The following SLC45A4 variants were observed in gnomAD, a reference collection of about 807,000 sequenced individuals.
The protein encoded by SLC45A4 is polyamine-transporter SLC45A4.
Under a neutral mutation model 63.7 loss-of-function variants are expected in SLC45A4, and 32 were observed. That is an observed-to-expected ratio of 0.50 (90% confidence interval 0.38 to 0.67). The LOEUF is 0.67. Among genes scored for constraint, SLC45A4 ranks in the 30% least tolerant of loss-of-function variants. The pLI, the probability that SLC45A4 is intolerant of heterozygous loss-of-function variation, is 0.00. For missense variants in SLC45A4, 1,027 were observed against 1,157.7 expected, an observed-to-expected ratio of 0.89 and a Z score of 1.64; for synonymous variants, 535 against 510.0, an observed-to-expected ratio of 1.05 and a Z score of -0.66.
chr8:141,211,946 A>T, intron 8 of SLC45A4: 1 of 1,269,838 alleles, frequency 7.9e-7, no homozygotes, highest in Admixed American at 3.9e-5. Context: ...AATTAAAAAA[A>T]ATATTTCAAA....
Position 141,254,759 on chromosome 8 carries a change from C to A in SLC45A4, c.-400-130G>T, listed in dbSNP as rs1412770592. On this transcript the variant is annotated intron_variant, in intron 1 of 8. Coordinates refer to ENST00000517878, the MANE Select transcript of SLC45A4 (RefSeq NM_001286646.2). The surrounding 1 kb of genome is among the most constrained non-coding windows in gnomAD (Gnocchi z 4.5). The stretch of plus-strand genomic sequence containing the variant: ...CGACCCAAGATCACACAGCTCTCTG[C>A]CACTCACTCTGGGTACGTCTGTGCA... 5.9e-6 allele frequency: 4 copies of A among 676,102 alleles called. No individual in the cohort carries two copies. Among genetic ancestry groups the A allele is most frequent in the African/African-American group, 1.8e-5 (1 of 56,780 alleles). 41.9% of individuals were successfully genotyped at this position (676,102 alleles called of 1,614,324 possible).
At chr8:141,257,386 T>C (rs1828843848) in intron 1 of SLC45A4, among the ~76,000 whole-genome samples, 1 of 152,234 alleles carries the variant, frequency 6.6e-6, no homozygotes, top group Non-Finnish European at 1.5e-5. Context: ...TGAGAAGAAG[T>C]AACACCCAGA....
chr8:141,297,278 C>T (rs900689480), intron 1 of SLC45A4, among the ~76,000 whole-genome samples: 5 of 151,600 alleles, frequency 3.3e-5, no homozygotes, highest in South Asian at 2.1e-4. Context: ...ACCCGGTGGG[C>T]GCCGGGCACT....
At chr8:141,247,311 T>C (rs1467012301) in intron 2 of SLC45A4, among the ~76,000 whole-genome samples, 1 of 97,214 alleles carries the variant, frequency 1.0e-5, no homozygotes, top group South Asian at 3.2e-4. Context: ...AAAGCAGTGC[T>C]ATTTACAATA....
At chr8:141,287,447 G>C (rs1382300869) in intron 1 of SLC45A4, among the ~76,000 whole-genome samples, 1 of 152,146 alleles carries the variant, frequency 6.6e-6, no homozygotes, top group Non-Finnish European at 1.5e-5. Flanking sequence ...CCCTGCCACA[G>C]ACCGGCCTTC....
At chr8:141,270,444 C>T (rs552645126) in intron 1 of SLC45A4, among the ~76,000 whole-genome samples, 8 of 150,822 alleles carry the variant, frequency 5.3e-5, no homozygotes, top group Admixed American at 4.6e-4. Flanking sequence ...GAGGCTGAGG[C>T]GGGAGAATCG....
At chr8:141,287,934 G>A (rs1355518368) in intron 1 of SLC45A4, among the ~76,000 whole-genome samples, 2 of 152,268 alleles carry the variant, frequency 1.3e-5, no homozygotes, top group South Asian at 2.1e-4. Context: ...ACCCTCTTGC[G>A]CCCAGCCACC....
At chr8:141,267,897 G>C (rs1168765111) in intron 1 of SLC45A4, among the ~76,000 whole-genome samples, 1 of 152,168 alleles carries the variant, frequency 6.6e-6, no homozygotes, top group Admixed American at 6.5e-5. Context: ...TCGAAAGACG[G>C]TTTGCCCATT....
At chr8:141,286,426 A>G (rs1830148046) in intron 1 of SLC45A4, among the ~76,000 whole-genome samples, 2 of 152,146 alleles carry the variant, frequency 1.3e-5, no homozygotes, top group Non-Finnish European at 2.9e-5. Context: ...GAAGCCTGCC[A>G]ATGTATCTTC....
At chr8:141,280,453 G>A (rs1198426451) in intron 1 of SLC45A4, among the ~76,000 whole-genome samples, 1 of 152,252 alleles carries the variant, frequency 6.6e-6, no homozygotes, top group Non-Finnish European at 1.5e-5. Flanking sequence ...TTACTTTCTT[G>A]AAAGACATTT....
chr8:141,297,038 C>T (rs560655518), intron 1 of SLC45A4, among the ~76,000 whole-genome samples: 2 of 152,172 alleles, frequency 1.3e-5, no homozygotes, highest in South Asian at 2.1e-4. Context: ...GTCTACGGTA[C>T]GTGTTTGAAG....
At chr8:141,249,584 A>G (rs925879309) in intron 2 of SLC45A4, among the ~76,000 whole-genome samples, 31 of 152,226 alleles carry the variant, frequency 2.0e-4, no homozygotes, top group African/African-American at 6.7e-4. Context: ...GGCATTTGGG[A>G]GCACTGGGGT....
chr8:141,253,650 G>A (rs954597457), intron 2 of SLC45A4, among the ~76,000 whole-genome samples: 10 of 152,230 alleles, frequency 6.6e-5, no homozygotes, highest in Admixed American at 1.3e-4. Flanking sequence ...CCTGCCCTTT[G>A]CCTCGTTGTT....
intron 1 of SLC45A4, among the ~76,000 whole-genome samples, chr8:141,260,782 A>G (rs556895731): frequency 1.3e-4 from 20 of 152,328 alleles, no homozygotes; most frequent in Admixed American, 3.9e-4. Context: ...TCACAACCGA[A>G]TTCTACCAGA....
chr8:141,283,019 GGCCA>G (rs1240642101), intron 1 of SLC45A4, among the ~76,000 whole-genome samples: 1 of 152,266 alleles, frequency 6.6e-6, no homozygotes, highest in African/African-American at 2.4e-5. Flanking sequence ...CAGTGCCAGA[GGCCA>G]GCAGAAGTTT....
intron 1 of SLC45A4, among the ~76,000 whole-genome samples, chr8:141,282,424 C>T (rs911131888): frequency 1.7e-4 from 26 of 152,336 alleles, no homozygotes; most frequent in African/African-American, 5.8e-4. Flanking sequence ...ACCCGCTGGG[C>T]GGCCCCGCCT....
chr8:141,280,723 C>T (rs1028824533), intron 1 of SLC45A4, among the ~76,000 whole-genome samples: 4 of 152,242 alleles, frequency 2.6e-5, no homozygotes, highest in Non-Finnish European at 4.4e-5. Flanking sequence ...AATGCGACAG[C>T]GTGCAGCTCC....
intron 1 of SLC45A4, among the ~76,000 whole-genome samples, chr8:141,264,968 C>T (rs998880979): frequency 1.3e-5 from 2 of 152,164 alleles, no homozygotes; most frequent in African/African-American, 4.8e-5. Context: ...TGTTCCTTCC[C>T]ATCTAATTAA....
intron 3 of SLC45A4, 30 bp from the exon 4 acceptor site, chr8:141,219,859 G>A: frequency 6.6e-7 from 1 of 1,525,796 alleles, no homozygotes; most frequent in African/African-American, 1.4e-5. Context: ...GGGCGGTCAG[G>A]TCCTCAAGCA....
Sources: gnomAD v4.1 joint callset for allele counts (sites outside exome capture counted in the v4.1 genomes callset) on GRCh38, gnomAD v4.1.1 for gene constraint, Gnocchi (gnomAD v3.1) non-coding constraint, MANE v1.5 for transcripts, NCBI Gene and HGNC (gene_info 2026-07-23, HGNC 2026-07-21) for gene names.